Variants in SLC5A11 observed in about 807,000 individuals in gnomAD.
SLC5A11 encodes sodium/myo-inositol cotransporter 2.
A neutral mutation model predicts 69.8 loss-of-function variants in SLC5A11; 48 were observed. The observed-to-expected ratio is 0.69, with a 90% confidence interval of 0.55 to 0.87. The LOEUF is 0.87. SLC5A11 is among the 40% of genes least tolerant of loss of function. SLC5A11 has a pLI of 0.00. For synonymous variants in SLC5A11, 319 were observed against 342.4 expected, an observed-to-expected ratio of 0.93 and a Z score of 0.75; for missense variants, 784 against 866.1, an observed-to-expected ratio of 0.91 and a Z score of 1.19.
In SLC5A11 at chr16:24,852,572, A is replaced by G. The variant is rs140219748; in HGVS notation, c.-24-6048A>G. 4.4e-3 allele frequency among the ~76,000 whole-genome samples: 662 copies of G among 152,146 alleles called. 5 individuals are homozygous for G. Among genetic ancestry groups the G allele is most frequent in the African/African-American group, 0.014 (600 of 41,506 alleles). On this transcript the variant is annotated intron_variant, in intron 1 of 15. Coordinates refer to ENST00000347898, the Ensembl canonical transcript of SLC5A11. ...AGAGGTGAAGAAGGAGCCACCCCCA[A>G]CCACCCCAACCAGACCCTCCTGAGG... is the stretch of plus-strand genomic sequence containing the variant.
At chr16:24,905,628 A>ACGCGCGCGCGCG (rs148096402) in intron 10 of SLC5A11, among the ~76,000 whole-genome samples, 4 of 128,648 alleles carry the variant, frequency 3.1e-5, no homozygotes, top group African/African-American at 8.9e-5. Flanking sequence ...TCTCAAAAAC[A>ACGCGCGCGCGCG]CGCGCGCGCG....
At chr16:24,906,197 C>T (rs930866520) in intron 10 of SLC5A11, among the ~76,000 whole-genome samples, 16 of 151,956 alleles carry the variant, frequency 1.1e-4, no homozygotes, top group African/African-American at 3.1e-4. Flanking sequence ...AAAAATTAGC[C>T]GGGCATGGTG....
At position 24,875,613 on chromosome 16, in the gene SLC5A11, G is replaced by C. The variant is rs1181551181; in HGVS notation, c.373-14G>C. 1.2e-6 allele frequency: 2 copies of C among 1,610,554 alleles called. No homozygotes were observed. Among genetic ancestry groups the C allele is most frequent in the African/African-American group, 1.3e-5 (1 of 74,952 alleles). ...GAAGTCCGCTGGTGGTGAAATCTCA[G>C]CTCTGGCCCTCAGGTCACCACGATG... On this transcript the variant is annotated splice_polypyrimidine_tract_variant and intron_variant, in intron 5 of 15. Coordinates refer to ENST00000347898, the Ensembl canonical transcript of SLC5A11.
rs1182615959 is a variant in SLC5A11, at chr16:24,849,572, C to CA, written c.-25+3156dup. Among the ~76,000 whole-genome samples, 55 of 38,474 alleles carry CA rather than the reference C, an allele frequency of 1.4e-3. 3 individuals are homozygous for CA. In the South Asian group the frequency reaches 0.023, roughly 16 times the overall value. The allele number at this position is 38,474 out of a possible 152,430, so 25.2% of individuals were successfully genotyped here. A position where few individuals can be genotyped will look rare whatever the true frequency, so the allele number is the denominator to read the frequency against. On this transcript the variant is annotated intron_variant, in intron 1 of 15. Transcript: ENST00000347898. Reference sequence around the variant, plus strand: ...ACAGAGCGAGACTCTGCCTTGGGGGCAAAAAAAAAAAAAAAAAAAAAATAT... The same window carrying CA: ...ACAGAGCGAGACTCTGCCTTGGGGGCAAAAAAAAAAAAAAAAAAAAAAATAT...
intron 2 of SLC5A11, among the ~76,000 whole-genome samples, chr16:24,860,771 T>A (rs2059734688): frequency 6.6e-6 from 1 of 152,110 alleles, no homozygotes; most frequent in Non-Finnish European, 1.5e-5. Context: ...ACTGGTGCAA[T>A]CTCAGCTCAC....
At chr16:24,855,405 C>T (rs1244794833) in intron 1 of SLC5A11, among the ~76,000 whole-genome samples, 1 of 146,572 alleles carries the variant, frequency 6.8e-6, no homozygotes, top group Non-Finnish European at 1.5e-5. Flanking sequence ...AATTTGAGAC[C>T]ACCCTGAGCA....
At chr16:24,889,543 ATTTTTTTTTT>A (rs71156454) in intron 8 of SLC5A11, among the ~76,000 whole-genome samples, 1 of 74,346 alleles carries the variant, frequency 1.3e-5, no homozygotes, top group African/African-American at 5.5e-5. Context: ...AGGTCTTACA[ATTTTTTTTTT>A]TTTTTTTTTT....
intron 2 of SLC5A11, among the ~76,000 whole-genome samples, chr16:24,859,462 G>A (rs919005137): frequency 1.3e-5 from 2 of 152,084 alleles, no homozygotes; most frequent in Non-Finnish European, 2.9e-5. Flanking sequence ...AACTTTAAAG[G>A]CAATACAGTC....
chr16:24,885,031 T>C (rs573701426), intron 8 of SLC5A11, among the ~76,000 whole-genome samples: 1 of 152,220 alleles, frequency 6.6e-6, no homozygotes, highest in Non-Finnish European at 1.5e-5. Flanking sequence ...CGTGAGCCAC[T>C]GCATCCAGCC....
At chr16:24,875,982 G>T (rs1306686849) in intron 6 of SLC5A11, among the ~76,000 whole-genome samples, 1 of 152,022 alleles carries the variant, frequency 6.6e-6, no homozygotes, top group Non-Finnish European at 1.5e-5. Flanking sequence ...ATCACTTGAG[G>T]TCAGGAGTTT....
exon 7 of SLC5A11, chr16:24,877,356 G>C (rs9932619): frequency 1.2e-6 from 2 of 1,613,040 alleles, no homozygotes; most frequent in Admixed American, 1.7e-5. Context: ...CTGTATACAC[G>C]GTTGCTGGTA....
chr16:24,905,631 C>A (rs936337089), intron 10 of SLC5A11, among the ~76,000 whole-genome samples: 1 of 73,774 alleles, frequency 1.4e-5, no homozygotes, highest in African/African-American at 4.7e-5. Context: ...CAAAAACACG[C>A]GCGCGCGCGC....
intron 3 of SLC5A11, among the ~76,000 whole-genome samples, chr16:24,864,875 A>G (rs2046823864): frequency 6.6e-6 from 1 of 152,134 alleles, no homozygotes; most frequent in Admixed American, 6.6e-5. Flanking sequence ...TACTCACTAG[A>G]GGGGTTCAAC....
intron 10 of SLC5A11, among the ~76,000 whole-genome samples, chr16:24,901,950 ACACACACG>A (rs796837914): frequency 3.0e-3 from 375 of 126,244 alleles, no homozygotes; most frequent in Middle Eastern, 0.012. Flanking sequence ...ACACACACAC[ACACACACG>A]CACACACACA....
rs1318382107 is a variant in SLC5A11 at position 24,877,002 on chromosome 16, G to A, written c.478-256G>A. On this transcript the variant is annotated intron_variant, in intron 6 of 15. Transcript: ENST00000347898. The stretch of plus-strand genomic sequence containing the variant: ...GGTATTTAATGAAGGTTGCAGTGTG[G>A]AAGATGGAGTGGGAGAGGACCAAAA... 2.6e-6 allele frequency: 3 copies of A among 1,142,912 alleles called. No individual in the cohort carries two copies. In the Admixed American group the frequency reaches 1.1e-4, roughly 40 times the overall value. 70.8% of individuals were successfully genotyped at this position (1,142,912 alleles called of 1,614,324 possible).
chr16:24,851,636 A>G (rs184911641), intron 1 of SLC5A11, among the ~76,000 whole-genome samples: 4 of 152,326 alleles, frequency 2.6e-5, no homozygotes, highest in Admixed American at 1.3e-4. Context: ...AAATGGTTTT[A>G]TAAAATGGAC....
At chr16:24,869,177 T>C (rs2047117055) in intron 3 of SLC5A11, among the ~76,000 whole-genome samples, 1 of 152,068 alleles carries the variant, frequency 6.6e-6, no homozygotes. Flanking sequence ...TGGACCTGCC[T>C]TTCTTGCAGG....
At chr16:24,897,925 C>T (rs755763435) in intron 9 of SLC5A11, 49 bp from the exon 11 acceptor site, 2 of 1,601,416 alleles carry the variant, frequency 1.2e-6, no homozygotes, top group South Asian at 1.1e-5. Context: ...GGGGACACAA[C>T]CAAACTATAT....
At chr16:24,888,783 CTTTTTTTTTTTTTTT>C (rs1169015317) in intron 8 of SLC5A11, among the ~76,000 whole-genome samples, 2,526 of 45,816 alleles carry the variant, frequency 0.055, 122 homozygotes, top group African/African-American at 0.14. Context: ...CGTGCCTGTC[CTTTTTTTTTTTTTTT>C]TTTTTTTTTT....
Sources: allele counts gnomAD v4.1 joint callset (sites outside exome capture counted in the v4.1 genomes callset), GRCh38; gene constraint gnomAD v4.1.1; transcripts MANE v1.5; gene names NCBI Gene and HGNC (gene_info 2026-07-23, HGNC 2026-07-21).